The following SUGCT variants were observed in gnomAD, a reference collection of about 807,000 sequenced individuals.
SUGCT encodes the protein succinyl-CoA:glutarate CoA-transferase.
Under a neutral mutation model 55.0 loss-of-function variants are expected in SUGCT, and 41 were observed. The observed-to-expected ratio is 0.74, with a 90% CI of 0.58 to 0.97. The LOEUF is 0.97. Ranked by LOEUF, SUGCT falls within the 50% of genes least tolerant of loss-of-function variation. The pLI is 0.00. For missense variants in SUGCT, 568 were observed against 547.8 expected (o/e 1.04, Z -0.37); for synonymous variants, 187 against 200.4 (o/e 0.93, Z 0.56).
At chr7:40,467,204 G>GAAAAAAAAAAAAAAAAAAAA (rs762283927) in intron 11 of SUGCT, among the ~76,000 whole-genome samples, 1 of 83,616 alleles carries the variant, frequency 1.2e-5, no homozygotes, top group Non-Finnish European at 2.3e-5. Flanking sequence ...CTAAGAAAAA[G>GAAAAAAAAAAAAAAAAAAAA]AAAAAAAAAA....
intron 6 of SUGCT, among the ~76,000 whole-genome samples, chr7:40,215,236 G>A (rs1043141093): frequency 2.6e-5 from 4 of 152,066 alleles, no homozygotes; most frequent in Admixed American, 6.5e-5. Context: ...TTGAGCTCCT[G>A]GGCTCAAACG....
chr7:40,961,689 G>T, the SUGCT span, among the ~76,000 whole-genome samples: 1 of 152,112 alleles, frequency 6.6e-6, no homozygotes, highest in South Asian at 2.1e-4. Context: ...AAGATGGTGT[G>T]TCTGGAGTTT....
At chr7:40,396,992 A>G (rs1277561117) in intron 9 of SUGCT, among the ~76,000 whole-genome samples, 2 of 152,214 alleles carry the variant, frequency 1.3e-5, no homozygotes. Context: ...TAAAATATGA[A>G]TACTATACTG....
chr7:40,204,932 G>A (rs1200486667), intron 6 of SUGCT, among the ~76,000 whole-genome samples: 1 of 151,562 alleles, frequency 6.6e-6, no homozygotes, highest in East Asian at 1.9e-4. Flanking sequence ...CAACCTGGGT[G>A]ACAGAGTGAG....
At chr7:40,656,923 C>T (rs1253303401) in intron 12 of SUGCT, among the ~76,000 whole-genome samples, 1 of 152,142 alleles carries the variant, frequency 6.6e-6, no homozygotes, top group Non-Finnish European at 1.5e-5. Flanking sequence ...TAGATGAAGC[C>T]CTGGTTACAG....
chr7:40,446,966 T>A (rs1562783931), intron 9 of SUGCT, among the ~76,000 whole-genome samples: 1 of 152,204 alleles, frequency 6.6e-6, no homozygotes, highest in Non-Finnish European at 1.5e-5. Flanking sequence ...GGAATGTAAT[T>A]CATGTACCAT....
the SUGCT span, among the ~76,000 whole-genome samples, chr7:40,938,070 A>G: frequency 6.6e-6 from 1 of 152,098 alleles, no homozygotes; most frequent in Non-Finnish European, 1.5e-5. Flanking sequence ...ATGCTCAGTC[A>G]CTCACTGCTC....
At chr7:40,187,442 A>T (rs1584288628) in intron 3 of SUGCT, among the ~76,000 whole-genome samples, 1 of 152,172 alleles carries the variant, frequency 6.6e-6, no homozygotes, top group African/African-American at 2.4e-5. Flanking sequence ...TAATAATAAA[A>T]AAAAAAAGAA....
At chr7:40,937,369 C>T in the SUGCT span, among the ~76,000 whole-genome samples, 1 of 152,176 alleles carries the variant, frequency 6.6e-6, no homozygotes, top group Non-Finnish European at 1.5e-5. Flanking sequence ...CAGAGTTTCA[C>T]CTTGTTGGCT....
intron 6 of SUGCT, among the ~76,000 whole-genome samples, chr7:40,216,612 G>A (rs1302270821): frequency 6.6e-6 from 1 of 151,734 alleles, no homozygotes; most frequent in Non-Finnish European, 1.5e-5. Context: ...AGCACTTTCG[G>A]AAGCCAAGGT....
chr7:40,813,190 A>C (rs1194717937), intron 13 of SUGCT, among the ~76,000 whole-genome samples: 2 of 152,120 alleles, frequency 1.3e-5, no homozygotes, highest in Admixed American at 6.6e-5. Context: ...CATCTGTGGT[A>C]ATGAATGGCA....
intron 12 of SUGCT, among the ~76,000 whole-genome samples, chr7:40,711,644 T>C (rs79755844): frequency 0.026 from 3,987 of 152,284 alleles, 85 homozygotes; most frequent in Non-Finnish European, 0.044. Flanking sequence ...AGACCTCCAT[T>C]CCTCCATCTT....
intron 12 of SUGCT, among the ~76,000 whole-genome samples, chr7:40,577,102 A>G (rs1056667889): frequency 2.6e-5 from 4 of 152,230 alleles, no homozygotes; most frequent in African/African-American, 9.6e-5. Context: ...CAAGACCACC[A>G]GGGTTTGAGA....
At chr7:40,246,844 C>T (rs149953753) in intron 7 of SUGCT, among the ~76,000 whole-genome samples, 52 of 150,888 alleles carry the variant, frequency 3.4e-4, no homozygotes, top group African/African-American at 1.2e-3. Context: ...AGCAATCTGC[C>T]CACCTCAGCC....
At chr7:40,231,528 G>C (rs934042203) in intron 6 of SUGCT, among the ~76,000 whole-genome samples, 2 of 152,290 alleles carry the variant, frequency 1.3e-5, no homozygotes, top group African/African-American at 4.8e-5. Context: ...CTCTGAGGAG[G>C]ATGTAGTAGC....
chr7:40,663,540 T>C (rs1442897515), intron 12 of SUGCT, among the ~76,000 whole-genome samples: 1 of 151,684 alleles, frequency 6.6e-6, no homozygotes, highest in East Asian at 1.9e-4. Flanking sequence ...CTTAAAGGTT[T>C]ATTTCTCCCA....
chr7:40,245,421 A>ATTTTT (rs1789764719), intron 7 of SUGCT, among the ~76,000 whole-genome samples: 1 of 39,902 alleles, frequency 2.5e-5, no homozygotes, highest in African/African-American at 1.2e-4. Context: ...ATATATATAT[A>ATTTTT]TATTTTTTTT....
At chr7:40,514,635 G>A (rs904413076) in intron 12 of SUGCT, among the ~76,000 whole-genome samples, 5 of 150,958 alleles carry the variant, frequency 3.3e-5, no homozygotes, top group African/African-American at 4.9e-5. Flanking sequence ...GCATGAACCC[G>A]GGAGGCGGAG....
chr7:40,164,228 A>C (rs984853998), intron 1 of SUGCT, among the ~76,000 whole-genome samples: 2 of 151,930 alleles, frequency 1.3e-5, no homozygotes, highest in African/African-American at 4.8e-5. Flanking sequence ...CCTGGGTTCA[A>C]GCGATTCTCC....
Sources: allele counts gnomAD v4.1 joint callset (sites outside exome capture counted in the v4.1 genomes callset), GRCh38; gene constraint gnomAD v4.1.1; transcripts MANE v1.5; gene names NCBI Gene and HGNC (gene_info 2026-07-23, HGNC 2026-07-21).